The following LY96 variants were observed in gnomAD, a reference collection of about 807,000 sequenced individuals.
LY96 encodes myeloid differentiation protein-2.
Under a neutral mutation model 18.9 loss-of-function variants are expected in LY96, and 18 were observed. The ratio of observed to expected loss-of-function variants is 0.95; its 90% CI spans 0.66 to 1.41. The LOEUF is 1.41. Ranked by LOEUF, LY96 falls within the 40% of genes most tolerant of loss-of-function variation. LY96 has a pLI of 0.00. For missense variants in LY96, 175 were observed against 182.4 expected (o/e 0.96, Z 0.23); for synonymous variants, 66 against 62.6 (o/e 1.06, Z -0.26).
At chr8:74,077,177 T>C in the LY96 span, among the ~76,000 whole-genome samples, 3 of 152,190 alleles carry the variant, frequency 2.0e-5, no homozygotes, top group African/African-American at 7.2e-5. Flanking sequence ...CCCAGCATCT[T>C]GATGTATTCA....
chr8:74,086,120 A>G, the LY96 span, among the ~76,000 whole-genome samples: 1 of 152,094 alleles, frequency 6.6e-6, no homozygotes, highest in East Asian at 1.9e-4. Flanking sequence ...TCCCACATAT[A>G]AGTGAAATCT....
In LY96 at chr8:74,009,349, T is replaced by C. The variant is rs183640168; in HGVS notation, c.203-652T>C. On this transcript the variant is annotated intron_variant, in intron 2 of 4. Transcript: ENST00000284818. ...AGCGGAGGTTGCAGTGAGCCAAGAT[T>C]ACGCCACTGCACTCCAGTCTTTCTC... Among the ~76,000 whole-genome samples, 74 of 121,748 alleles carry C rather than the reference T, an allele frequency of 6.1e-4. 1 individual carries two copies. The highest frequency in any genetic ancestry group is 1.1e-3 in the Non-Finnish European group (70 of 63,392). The allele number at this position is 121,748 out of a possible 152,430, so 79.9% of individuals were successfully genotyped here. A position where few individuals can be genotyped will look rare whatever the true frequency, so the allele number is the denominator to read the frequency against.
chr8:74,024,042 T>C (rs1313102951), intron 3 of LY96, among the ~76,000 whole-genome samples: 1 of 152,174 alleles, frequency 6.6e-6, no homozygotes, highest in Non-Finnish European at 1.5e-5. Context: ...TTGAAAATTA[T>C]GTATTTAATT....
At chr8:74,039,027 C>T in the LY96 span, among the ~76,000 whole-genome samples, 1 of 152,338 alleles carries the variant, frequency 6.6e-6, no homozygotes, top group South Asian at 2.1e-4. Flanking sequence ...TCTCTACATC[C>T]TTGCCAGCAT....
chr8:74,022,134 A>C (rs935773828), intron 3 of LY96, among the ~76,000 whole-genome samples: 3 of 152,262 alleles, frequency 2.0e-5, no homozygotes, highest in African/African-American at 7.2e-5. Context: ...CTTGGCAGGC[A>C]CAGTGGCTCA....
At chr8:74,007,457 T>G (rs1239282126) in intron 2 of LY96, among the ~76,000 whole-genome samples, 2 of 152,250 alleles carry the variant, frequency 1.3e-5, no homozygotes, top group Non-Finnish European at 2.9e-5. Context: ...CCATAGAATA[T>G]ACTATAATGT....
At chr8:74,031,312 A>G (rs1461314934), downstream of LY96, among the ~76,000 whole-genome samples, 2 of 152,214 alleles carry the variant, frequency 1.3e-5, no homozygotes, top group Admixed American at 1.3e-4. Flanking sequence ...AAAAAGACAC[A>G]AGGATGTGTT....
chr8:74,006,049 T>C (rs941170249), intron 2 of LY96, among the ~76,000 whole-genome samples: 2 of 152,248 alleles, frequency 1.3e-5, no homozygotes, highest in Admixed American at 1.3e-4. Flanking sequence ...GACAACAAAC[T>C]TGTGTTTTAA....
chr8:74,026,753 A>T, intron 3 of LY96, 36 bp from the exon 4 acceptor site: 1 of 1,230,312 alleles, frequency 8.1e-7, no homozygotes, highest in Non-Finnish European at 1.2e-6. Context: ...CCTAACCGTG[A>T]CCAATAACGT....
chr8:74,025,714 A>G (rs944100685), intron 3 of LY96, among the ~76,000 whole-genome samples: 1 of 151,654 alleles, frequency 6.6e-6, no homozygotes, highest in African/African-American at 2.4e-5. Context: ...GAGCAAAAAG[A>G]AAAGAAAAGA....
At chr8:74,035,617 C>G in the LY96 span, among the ~76,000 whole-genome samples, 1 of 152,128 alleles carries the variant, frequency 6.6e-6, no homozygotes, top group South Asian at 2.1e-4. Context: ...ATGCCCTCTT[C>G]CCTTTTGGAA....
intron 1 of LY96, among the ~76,000 whole-genome samples, chr8:73,992,711 G>T: frequency 6.6e-6 from 1 of 152,102 alleles, no homozygotes; most frequent in East Asian, 1.9e-4. Context: ...CCAAACGTAT[G>T]TCTAAAATCT....
intron 3 of LY96, among the ~76,000 whole-genome samples, chr8:74,017,988 A>T (rs754136013): frequency 1.7e-4 from 26 of 152,258 alleles, no homozygotes; most frequent in Non-Finnish European, 3.5e-4. Flanking sequence ...AAGAAACTGC[A>T]TAAATTAACG....
At chr8:74,037,952 A>G in the LY96 span, among the ~76,000 whole-genome samples, 1 of 152,202 alleles carries the variant, frequency 6.6e-6, no homozygotes, top group African/African-American at 2.4e-5. Flanking sequence ...TCCGTTAGGT[A>G]GAGTAAGCAC....
At chr8:74,072,920 T>C in the LY96 span, among the ~76,000 whole-genome samples, 1 of 152,134 alleles carries the variant, frequency 6.6e-6, no homozygotes, top group Non-Finnish European at 1.5e-5. Context: ...AGCAGATATA[T>C]ATACACATAT....
chr8:74,022,988 C>G (rs576507676), intron 3 of LY96, among the ~76,000 whole-genome samples: 75 of 152,250 alleles, frequency 4.9e-4, no homozygotes, highest in Admixed American at 2.2e-3. Flanking sequence ...GTCCAGGGCC[C>G]CATATACGGA....
the LY96 span, chr8:74,099,412 T>G: frequency 6.6e-6 from 1 of 152,278 alleles, no homozygotes; most frequent in African/African-American, 2.4e-5. Context: ...GCCCCTCCCT[T>G]TTGCAGTTTT....
downstream of LY96, among the ~76,000 whole-genome samples, chr8:74,030,769 C>T (rs1816956565): frequency 6.6e-6 from 1 of 152,204 alleles, no homozygotes. Flanking sequence ...AGCAGAGGAG[C>T]AGACTCCAAC....
the LY96 span, among the ~76,000 whole-genome samples, chr8:74,054,617 C>CTTCTTTCTTTCTTTCTTTCT: frequency 2.8e-3 from 197 of 70,170 alleles, 1 homozygote; most frequent in Non-Finnish European, 3.3e-3. Flanking sequence ...TTTCCTTTTC[C>CTTCTTTCTTTCTTTCTTTCT]TTCTTTCTTT....
Sources: allele counts gnomAD v4.1 joint callset (sites outside exome capture counted in the v4.1 genomes callset), GRCh38; gene constraint gnomAD v4.1.1; transcripts MANE v1.5; gene names NCBI Gene and HGNC (gene_info 2026-07-23, HGNC 2026-07-21).